The following TECTA variants were observed in gnomAD, a reference collection of about 807,000 sequenced individuals.
TECTA encodes tectorin alpha.
In TECTA, 128 loss-of-function variants were observed where a neutral mutation model predicts 216.8. That is an observed-to-expected ratio of 0.59 (90% confidence interval 0.51 to 0.68). TECTA has a LOEUF of 0.68. TECTA is among the 30% of genes least tolerant of loss of function. The pLI is 0.00. For missense variants in TECTA, 2,551 were observed against 2,786.2 expected, an observed-to-expected ratio of 0.92 and a Z score of 1.90; for synonymous variants, 1,089 against 1,117.1, an observed-to-expected ratio of 0.97 and a Z score of 0.50.
At chr11:121,183,434 C>T (rs746288598) in intron 20 of TECTA, among the ~76,000 whole-genome samples, 39 of 152,144 alleles carry the variant, frequency 2.6e-4, no homozygotes, top group Non-Finnish European at 4.1e-4. Context: ...GCTAGCATTA[C>T]GAAAGTCTGC....
intron 1 of TECTA, among the ~76,000 whole-genome samples, chr11:121,102,373 T>C (rs1452703543): frequency 6.6e-6 from 1 of 152,166 alleles, no homozygotes; most frequent in Non-Finnish European, 1.5e-5. Context: ...TACCTTTCCT[T>C]TACGCATACC....
intron 20 of TECTA, among the ~76,000 whole-genome samples, chr11:121,175,788 G>A (rs1042041979): frequency 6.6e-6 from 1 of 152,168 alleles, no homozygotes; most frequent in Non-Finnish European, 1.5e-5. Context: ...TGTTGACGGG[G>A]TGTTAAAGTC....
At chr11:121,115,125 C>A (rs1946488911) in intron 6 of TECTA, among the ~76,000 whole-genome samples, 1 of 141,946 alleles carries the variant, frequency 7.0e-6, no homozygotes, top group Non-Finnish European at 1.5e-5. Flanking sequence ...ACTCATCCAC[C>A]TACCCATCCA....
At chr11:121,162,949 T>G (rs1383251115) in intron 16 of TECTA, among the ~76,000 whole-genome samples, 2 of 152,252 alleles carry the variant, frequency 1.3e-5, no homozygotes, top group Non-Finnish European at 2.9e-5. Context: ...ATTATTCAAT[T>G]TGTTCATTTT....
At position 121,130,126 on chromosome 11, in the gene TECTA, G is replaced by A. The variant is rs1311473301; in HGVS notation, c.2856G>A (p.Glu952=). ...RLCQSGGNES[E]LCDSVARYAS... Reference sequence around the variant, plus strand: ...GCCAGAGTGGGGGCAATGAGTCAGAGCTCTGTGACTCTGTGGCCCGGTATG... The same window carrying A: ...GCCAGAGTGGGGGCAATGAGTCAGAACTCTGTGACTCTGTGGCCCGGTATG... The change falls in exon 10 of 24, where the codon GAG becomes GAA. Residue 952 remains glutamate (E), a synonymous_variant. Coordinates refer to ENST00000392793, the MANE Select transcript of TECTA (RefSeq NM_005422.4). The A allele has an allele frequency of 6.2e-7, 1 of 1,611,806 alleles. No homozygotes were observed. The highest frequency in any genetic ancestry group is 8.5e-7 in the Non-Finnish European group (1 of 1,180,036).
At chr11:121,102,785 A>G (rs1946358291) in intron 2 of TECTA, 56 bp downstream of exon 2, 1 of 1,487,284 alleles carries the variant, frequency 6.7e-7, no homozygotes, top group Non-Finnish European at 9.4e-7. Flanking sequence ...GAATTGATAA[A>G]GAGACACTTT....
intron 23 of TECTA, among the ~76,000 whole-genome samples, chr11:121,190,309 G>C (rs1947328885): frequency 6.6e-6 from 1 of 152,106 alleles, no homozygotes; most frequent in South Asian, 2.1e-4. Flanking sequence ...CTGTTGCCCA[G>C]ACTGGAGTGC....
chr11:121,170,366 A>G (rs906564540), intron 20 of TECTA, among the ~76,000 whole-genome samples: 5 of 152,098 alleles, frequency 3.3e-5, no homozygotes, highest in Admixed American at 1.3e-4. Context: ...TTGGATAAAT[A>G]CCCAGTAGTG....
intron 8 of TECTA, among the ~76,000 whole-genome samples, chr11:121,126,977 C>A (rs1313369796): frequency 6.6e-6 from 1 of 152,240 alleles, no homozygotes; most frequent in Non-Finnish European, 1.5e-5. Context: ...ATTTCGCTTT[C>A]TTTTCTGGCT....
intron 13 of TECTA, 38 bp from the exon 14 acceptor site, chr11:121,157,803 A>T (rs1264483243): frequency 1.2e-6 from 2 of 1,612,498 alleles, no homozygotes; most frequent in East Asian, 4.5e-5. Flanking sequence ...AGCCCTGACC[A>T]CAGTCTGAAT....
Position 121,168,704 on chromosome 11 carries a change from A to G in TECTA, c.5778A>G (p.Gln1926=). The G allele has an allele frequency of 6.2e-7, 1 of 1,614,194 alleles. No individual in the cohort carries two copies. The highest frequency in any genetic ancestry group is 1.1e-5 in the South Asian group (1 of 91,080). ...TAATTAACCTGACAGTTCCAACCCA[A>G]GAAGGCAGCTTCATCACCAAGATGG... ...LSVINLTVPT[Q]EGSFITKMAL... is the part of the protein sequence containing the mutation. The change falls in exon 20 of 24, where the codon CAA becomes CAG. Residue 1926 remains glutamine (Q), a synonymous_variant. Coordinates refer to ENST00000392793, the MANE Select transcript of TECTA (RefSeq NM_005422.4).
rs1200281205 is a variant in TECTA at position 121,109,302 on chromosome 11, C to T, written c.290C>T (p.Ala97Val). 6.2e-7 allele frequency: 1 copy of T among 1,614,018 alleles called. No individual in the cohort carries two copies. Among genetic ancestry groups the T allele is most frequent in the Non-Finnish European group, 8.5e-7 (1 of 1,180,028 alleles). Reference sequence around the variant, plus strand: ...CTGACAGATGGGAGAGCCTTCGTCGCCCCATTTTGGGCAGATGTGCACAAT... The same window carrying T: ...CTGACAGATGGGAGAGCCTTCGTCGTCCCATTTTGGGCAGATGTGCACAAT... ...FPLTDGRAFV[A>V]PFWADVHNGI... The change falls in exon 4 of 24, where the codon GCC becomes GTC. Residue 97 changes from alanine to valine, a missense_variant. Ala to Val is a moderately conservative substitution (Grantham distance 64). Around this residue, in one of 3 missense-constraint regions of TECTA, gnomAD observed 2,375 missense variants for 2,563.9 expected, o/e 0.93. Coordinates refer to ENST00000392793, the MANE Select transcript of TECTA (RefSeq NM_005422.4).
intron 20 of TECTA, among the ~76,000 whole-genome samples, chr11:121,186,267 A>G (rs919392566): frequency 6.6e-6 from 1 of 152,276 alleles, no homozygotes; most frequent in African/African-American, 2.4e-5. Flanking sequence ...TGTGGAGGGC[A>G]GAGACAGCAG....
intron 12 of TECTA, among the ~76,000 whole-genome samples, chr11:121,150,245 A>C (rs1437654211): frequency 6.6e-6 from 1 of 152,274 alleles, no homozygotes; most frequent in Non-Finnish European, 1.5e-5. Context: ...TGGCATTTCA[A>C]ATTACTGGGA....
intron 23 of TECTA, 21 bp from the exon 24 acceptor site, chr11:121,190,685 T>A: frequency 6.3e-7 from 1 of 1,584,910 alleles, no homozygotes; most frequent in Non-Finnish European, 8.7e-7. Context: ...TAGGGCTTAC[T>A]GTGTTCCTCT....
Position 121,190,708 on chromosome 11 carries a change from T to C in TECTA, c.6370T>C (p.Ser2124Pro), listed in dbSNP as rs1195919516. The change falls in exon 24 of 24, where the codon TCT becomes CCT. Residue 2124 changes from serine to proline, a missense_variant and splice_region_variant. By Grantham distance (74) the Ser-to-Pro change is moderately conservative. This residue lies in a region of TECTA where 118 missense variants were observed against 116.4 expected (regional missense o/e 1.01). Coordinates refer to ENST00000392793, the MANE Select transcript of TECTA (RefSeq NM_005422.4). ...LQEDGKSCRA[S>P]NSSMELQVWT... ...ACTGTGTTCCTCTCTGTTTACAGCC[T>C]CTAATTCTTCAATGGAACTTCAAGT... 6.2e-7 allele frequency: 1 copy of C among 1,613,034 alleles called. No individual in the cohort carries two copies. The highest frequency in any genetic ancestry group is 8.5e-7 in the Non-Finnish European group (1 of 1,179,090).
At chr11:121,145,526 G>A (rs1465820216) in intron 11 of TECTA, 29 bp from the exon 12 acceptor site, 4 of 1,612,568 alleles carry the variant, frequency 2.5e-6, no homozygotes, top group Non-Finnish European at 3.4e-6. Context: ...GGCCAACTGT[G>A]TTTCTCCACC....
intron 12 of TECTA, 59 bp from the exon 13 acceptor site, chr11:121,152,822 G>A: frequency 6.5e-7 from 1 of 1,547,106 alleles, no homozygotes; most frequent in South Asian, 1.2e-5. Flanking sequence ...ATGGCCATGA[G>A]AAAACCCTCC....
intron 2 of TECTA, 111 bp downstream of exon 2, chr11:121,102,840 A>G: frequency 1.1e-6 from 1 of 885,684 alleles, no homozygotes; most frequent in Non-Finnish European, 1.9e-6. Context: ...GTGTCTACAG[A>G]TACAAGAGAA....
Sources: gnomAD v4.1 joint callset for allele counts (sites outside exome capture counted in the v4.1 genomes callset) on GRCh38, gnomAD v4.1.1 for gene constraint, gnomAD v4.1.1 regional missense constraint, MANE v1.5 for transcripts, NCBI Gene and HGNC (gene_info 2026-07-23, HGNC 2026-07-21) for gene names.